KCNC2: variants seen among roughly 807,000 people sequenced by gnomAD.
The protein encoded by KCNC2 is voltage-gated potassium channel KCNC2.
A neutral mutation model predicts 44.5 loss-of-function variants in KCNC2; 21 were observed. That is an observed-to-expected ratio of 0.47 (90% CI 0.33 to 0.68). The LOEUF is 0.68. KCNC2 is among the 30% of genes least tolerant of loss of function. The probability of loss-of-function intolerance (pLI) is 0.01; values close to 1 mark genes in which losing one functional copy is unlikely to be tolerated. For missense variants in KCNC2, 589 were observed against 826.2 expected (o/e 0.71, Z 3.52); for synonymous variants, 391 against 339.1 (o/e 1.15, Z -1.68).
intron 2 of KCNC2, among the ~76,000 whole-genome samples, chr12:75,188,620 G>A (rs969149209): frequency 2.0e-5 from 3 of 151,956 alleles, no homozygotes; most frequent in African/African-American, 7.3e-5. Flanking sequence ...CCAGCACTTC[G>A]GGAGGCTGAG....
intron 2 of KCNC2, among the ~76,000 whole-genome samples, chr12:75,089,140 C>T (rs933531640): frequency 2.0e-5 from 3 of 151,724 alleles, no homozygotes; most frequent in Non-Finnish European, 4.4e-5. Context: ...TTTATGTATA[C>T]ATATATGTAT....
intron 2 of KCNC2, among the ~76,000 whole-genome samples, chr12:75,145,353 C>G (rs890060924): frequency 6.6e-6 from 1 of 152,044 alleles, no homozygotes; most frequent in Non-Finnish European, 1.5e-5. Flanking sequence ...TGATTTCTAA[C>G]ACTCTATGAA....
chr12:75,055,750 T>C (rs1881674253), intron 2 of KCNC2, among the ~76,000 whole-genome samples: 1 of 152,040 alleles, frequency 6.6e-6, no homozygotes, highest in Non-Finnish European at 1.5e-5. Flanking sequence ...TTCCAATCAG[T>C]GACCATGAGT....
At chr12:75,194,008 A>G (rs556324535) in intron 2 of KCNC2, among the ~76,000 whole-genome samples, 6 of 152,190 alleles carry the variant, frequency 3.9e-5, no homozygotes, top group Non-Finnish European at 5.9e-5. Context: ...TCACAAAGAC[A>G]TTATAGTCAT....
Position 75,205,813 on chromosome 12 carries a change from C to G in KCNC2, c.687+1484G>C, listed in dbSNP as rs557244174. 1.0e-4 allele frequency among the ~76,000 whole-genome samples: 15 copies of G among 144,360 alleles called. No homozygotes were observed. In the East Asian group the frequency reaches 2.4e-3, roughly 23 times the overall value. 94.7% of individuals were successfully genotyped at this position (144,360 alleles called of 152,430 possible). ...GTGGTTTAATTTAAATGAATATGCA[C>G]TTGCGGTTTTGTTTGGTTGGTTTGG... is the stretch of plus-strand genomic sequence containing the variant. On this transcript the variant is annotated intron_variant, in intron 2 of 4. Coordinates refer to ENST00000549446, the MANE Select transcript of KCNC2 (RefSeq NM_139137.4).
At chr12:75,205,040 G>C (rs904230755) in intron 2 of KCNC2, among the ~76,000 whole-genome samples, 1 of 152,092 alleles carries the variant, frequency 6.6e-6, no homozygotes, top group Non-Finnish European at 1.5e-5. Flanking sequence ...TATTTTAAAA[G>C]TCATAGATGA....
At chr12:75,071,520 C>T (rs1035364424) in intron 2 of KCNC2, among the ~76,000 whole-genome samples, 2 of 152,056 alleles carry the variant, frequency 1.3e-5, no homozygotes, top group Admixed American at 6.6e-5. Context: ...AAGTTTTCAA[C>T]GAATTTGAGA....
At chr12:75,085,236 A>C (rs575059655) in intron 2 of KCNC2, among the ~76,000 whole-genome samples, 4 of 152,026 alleles carry the variant, frequency 2.6e-5, no homozygotes, top group Non-Finnish European at 4.4e-5. Context: ...TATTATTACC[A>C]GTAACCTCTT....
Position 75,042,201 on chromosome 12 carries a change from T to A in KCNC2, c.*904A>T. ...TGCCTCTGAAAATGATGACAAACCC[T>A]GGGTATTTTTTTTTTTTAAAGAGTC... On this transcript the variant is annotated 3_prime_UTR_variant, in exon 5 of 5. Transcript: ENST00000549446. 7.3e-7 allele frequency: 1 copy of A among 1,364,284 alleles called. No individual in the cohort carries two copies. 84.5% of individuals were successfully genotyped at this position (1,364,284 alleles called of 1,614,324 possible).
intron 2 of KCNC2, among the ~76,000 whole-genome samples, chr12:75,202,077 A>C (rs1273751944): frequency 6.6e-6 from 1 of 151,936 alleles, no homozygotes; most frequent in Admixed American, 6.6e-5. Flanking sequence ...AATCTACAAA[A>C]AGGTTGATCT....
intron 2 of KCNC2, among the ~76,000 whole-genome samples, chr12:75,058,452 T>C (rs1881977007): frequency 6.6e-6 from 1 of 152,062 alleles, no homozygotes; most frequent in African/African-American, 2.4e-5. Flanking sequence ...CTGCTATGAG[T>C]CCCAATATGT....
intron 2 of KCNC2, among the ~76,000 whole-genome samples, chr12:75,176,081 G>A (rs1593031154): frequency 1.3e-5 from 2 of 152,044 alleles, no homozygotes; most frequent in Admixed American, 1.3e-4. Context: ...AAATGCTCAG[G>A]CAATGGGCCA....
chr12:75,147,848 T>C (rs1890131414), intron 2 of KCNC2, among the ~76,000 whole-genome samples: 1 of 152,144 alleles, frequency 6.6e-6, no homozygotes, highest in Admixed American at 6.6e-5. Context: ...CAGTTAGTGA[T>C]CTGGAAGATA....
intron 2 of KCNC2, among the ~76,000 whole-genome samples, chr12:75,128,530 AG>A (rs1474530554): frequency 1.3e-5 from 2 of 152,204 alleles, no homozygotes; most frequent in Non-Finnish European, 1.5e-5. Context: ...TCCCAAAGAC[AG>A]CAGAGCATAT....
intron 2 of KCNC2, among the ~76,000 whole-genome samples, chr12:75,107,073 G>A (rs568729375): frequency 6.6e-6 from 1 of 152,120 alleles, no homozygotes; most frequent in African/African-American, 2.4e-5. Flanking sequence ...GGGGGGCTGA[G>A]GGGGGCAGAT....
chr12:75,121,158 T>C (rs1279922172), intron 2 of KCNC2, among the ~76,000 whole-genome samples: 1 of 152,216 alleles, frequency 6.6e-6, no homozygotes, highest in East Asian at 1.9e-4. Flanking sequence ...ATATTCATGA[T>C]CAGTGCTATT....
intron 2 of KCNC2, among the ~76,000 whole-genome samples, chr12:75,131,577 A>G (rs924578126): frequency 6.6e-6 from 1 of 152,280 alleles, no homozygotes; most frequent in African/African-American, 2.4e-5. Flanking sequence ...AATGCAGAGC[A>G]TTTTCTCTGG....
At chr12:75,095,813 C>T (rs1184528760) in intron 2 of KCNC2, among the ~76,000 whole-genome samples, 1 of 151,800 alleles carries the variant, frequency 6.6e-6, no homozygotes, top group African/African-American at 2.4e-5. Context: ...TTTACTAAAT[C>T]TACTAAATAA....
intron 2 of KCNC2, among the ~76,000 whole-genome samples, chr12:75,083,678 T>C (rs186224782): frequency 4.6e-5 from 7 of 152,038 alleles, no homozygotes; most frequent in African/African-American, 1.7e-4. Flanking sequence ...ATAAGCAAGA[T>C]AGTAGAATTA....
Sources: allele counts gnomAD v4.1 joint callset (sites outside exome capture counted in the v4.1 genomes callset), GRCh38; gene constraint gnomAD v4.1.1; transcripts MANE v1.5; gene names NCBI Gene and HGNC (gene_info 2026-07-23, HGNC 2026-07-21).